HTR1E: variants seen among roughly 807,000 people sequenced by gnomAD.
The protein encoded by HTR1E is 5-hydroxytryptamine receptor 1E, also known as 5-HT-1E.
In HTR1E, 3 loss-of-function variants were observed where a neutral mutation model predicts 3.4. The observed-to-expected ratio is 0.89, with a 90% CI of 0.41 to 2.31. HTR1E has a LOEUF of 2.31. Ranked by LOEUF, HTR1E falls within the 30% of genes most tolerant of loss-of-function variation. The probability of loss-of-function intolerance (pLI) is 0.05; values close to 1 mark genes in which losing one functional copy is unlikely to be tolerated. For missense variants in HTR1E, 392 were observed against 467.0 expected (o/e 0.84, Z 1.48); for synonymous variants, 170 against 182.8 (o/e 0.93, Z 0.56).
chr6:86,962,899 C>A (rs1215157621), intron 1 of HTR1E, among the ~76,000 whole-genome samples: 1 of 152,012 alleles, frequency 6.6e-6, no homozygotes, highest in African/African-American at 2.4e-5. Flanking sequence ...ATGTATAGTA[C>A]ATAATACGTG....
intron 1 of HTR1E, among the ~76,000 whole-genome samples, chr6:86,985,859 C>T (rs1003822174): frequency 1.1e-4 from 16 of 152,300 alleles, no homozygotes; most frequent in African/African-American, 3.6e-4. Context: ...TACATTGCAA[C>T]AAGGTGAAAT....
At chr6:87,010,846 G>A (rs1168022240) in intron 1 of HTR1E, among the ~76,000 whole-genome samples, 2 of 152,038 alleles carry the variant, frequency 1.3e-5, no homozygotes, top group African/African-American at 2.4e-5. Context: ...TCCTCCAGCC[G>A]CTGCCTCCCG....
In HTR1E at chr6:86,946,014, C is replaced by T. The variant is rs533591898; in HGVS notation, c.-186+8191C>T. Among the ~76,000 whole-genome samples the T allele has an allele frequency of 1.3e-4, 20 of 152,280 alleles. No homozygotes were observed. The East Asian group carries it at 2.7e-3, about 21-fold the overall frequency. On this transcript the variant is annotated intron_variant, in intron 1 of 1. Coordinates refer to ENST00000305344, the MANE Select transcript of HTR1E (RefSeq NM_000865.3). ...TCGGCCTCCCAAAGTGCTGGTATTA[C>T]AGGCATGAGCCACCACACCCGGCCT...
At chr6:86,947,019 G>A (rs1263005053) in intron 1 of HTR1E, among the ~76,000 whole-genome samples, 2 of 152,102 alleles carry the variant, frequency 1.3e-5, no homozygotes, top group African/African-American at 4.8e-5. Context: ...AGGAAGCTGA[G>A]GCAGGAGAAT....
chr6:86,947,577 A>G (rs1767139388), intron 1 of HTR1E, among the ~76,000 whole-genome samples: 1 of 152,114 alleles, frequency 6.6e-6, no homozygotes. Context: ...GGCAGCCACT[A>G]TTGATACTTT....
chr6:86,988,800 T>C (rs140858797), intron 1 of HTR1E, among the ~76,000 whole-genome samples: 1 of 152,140 alleles, frequency 6.6e-6, no homozygotes, highest in African/African-American at 2.4e-5. Context: ...AAAAACTATT[T>C]TCTCCTGTTT....
At chr6:86,967,859 A>C (rs1208044082) in intron 1 of HTR1E, among the ~76,000 whole-genome samples, 1 of 152,182 alleles carries the variant, frequency 6.6e-6, no homozygotes, top group East Asian at 1.9e-4. Context: ...CAAGAGAAGC[A>C]TCAGCTGATT....
intron 1 of HTR1E, among the ~76,000 whole-genome samples, chr6:86,950,212 GTTATC>G (rs76161323): frequency 0.036 from 5,534 of 152,200 alleles, 103 homozygotes; most frequent in Middle Eastern, 0.058. Flanking sequence ...AAAAGTACAT[GTTATC>G]TTATATTTAA....
intron 1 of HTR1E, among the ~76,000 whole-genome samples, chr6:87,001,668 C>A (rs529877524): frequency 8.5e-5 from 13 of 152,286 alleles, no homozygotes; most frequent in African/African-American, 2.9e-4. Context: ...GCAATCATGA[C>A]AAATGAAGCA....
chr6:86,979,870 G>A (rs1323512120), intron 1 of HTR1E, among the ~76,000 whole-genome samples: 3 of 152,148 alleles, frequency 2.0e-5, no homozygotes, highest in African/African-American at 7.2e-5. Flanking sequence ...TGAGAGTCAT[G>A]GTGGTAGAAG....
intron 1 of HTR1E, among the ~76,000 whole-genome samples, chr6:87,014,451 A>T (rs1021680275): frequency 6.6e-6 from 1 of 152,150 alleles, no homozygotes; most frequent in Admixed American, 6.5e-5. Context: ...CAATCCTATT[A>T]CTGGGTATAT....
At chr6:87,005,412 TAGAAAACCC>T (rs1339700862) in intron 1 of HTR1E, among the ~76,000 whole-genome samples, 1 of 151,980 alleles carries the variant, frequency 6.6e-6, no homozygotes, top group Non-Finnish European at 1.5e-5. Context: ...TGAAACAAAA[TAGAAAACCC>T]AGAAATAAAT....
At chr6:87,004,485 G>A (rs533667245) in intron 1 of HTR1E, among the ~76,000 whole-genome samples, 2 of 152,130 alleles carry the variant, frequency 1.3e-5, no homozygotes, top group East Asian at 3.9e-4. Context: ...ACAGAATAAA[G>A]GACAAAAACC....
At chr6:86,969,801 C>A (rs1767524111) in intron 1 of HTR1E, among the ~76,000 whole-genome samples, 1 of 152,160 alleles carries the variant, frequency 6.6e-6, no homozygotes, top group Non-Finnish European at 1.5e-5. Flanking sequence ...CACACCCCAG[C>A]CACACCCCAG....
At chr6:86,946,846 G>A (rs1768623665) in intron 1 of HTR1E, among the ~76,000 whole-genome samples, 1 of 152,170 alleles carries the variant, frequency 6.6e-6, no homozygotes, top group South Asian at 2.1e-4. Flanking sequence ...GCCGGGCACG[G>A]TGGCTCACAC....
intron 1 of HTR1E, among the ~76,000 whole-genome samples, chr6:87,002,898 T>G (rs113344746): frequency 3.9e-5 from 6 of 152,328 alleles, no homozygotes; most frequent in Admixed American, 1.3e-4. Flanking sequence ...CACCCCACTT[T>G]CAGCATTGGA....
chr6:86,959,023 C>G (rs989911329), intron 1 of HTR1E, among the ~76,000 whole-genome samples: 41 of 151,510 alleles, frequency 2.7e-4, no homozygotes, highest in African/African-American at 9.7e-4. Context: ...TTGGCTCACA[C>G]AGTTGTGGAG....
intron 1 of HTR1E, among the ~76,000 whole-genome samples, chr6:86,939,038 A>C (rs1390727741): frequency 6.6e-6 from 1 of 152,236 alleles, no homozygotes; most frequent in Non-Finnish European, 1.5e-5. Context: ...CATGAGGAGC[A>C]TATGTGAAAT....
chr6:87,000,958 A>T (rs182955245), intron 1 of HTR1E, among the ~76,000 whole-genome samples: 372 of 152,360 alleles, frequency 2.4e-3, no homozygotes, highest in Non-Finnish European at 4.4e-3. Flanking sequence ...GACAGTTAAT[A>T]AGCTATGAAT....
Sources: allele counts gnomAD v4.1 joint callset (sites outside exome capture counted in the v4.1 genomes callset), GRCh38; gene constraint gnomAD v4.1.1; transcripts MANE v1.5; gene names NCBI Gene and HGNC (gene_info 2026-07-23, HGNC 2026-07-21).